TRPM3: variants seen among roughly 807,000 people sequenced by gnomAD.
TRPM3 encodes transient receptor potential cation channel subfamily M member 3, also known as long transient receptor potential channel 3.
A neutral mutation model predicts 181.2 loss-of-function variants in TRPM3; 77 were observed. That is an observed-to-expected ratio of 0.42 (90% confidence interval 0.35 to 0.51). The LOEUF (loss-of-function observed/expected upper bound fraction) is 0.51, where lower values mean the gene tolerates loss of function less well. TRPM3 is among the 20% of genes least tolerant of loss of function. TRPM3 has a pLI of 0.01. For synonymous variants in TRPM3, 745 were observed against 796.4 expected, an observed-to-expected ratio of 0.94 and a Z score of 1.09; for missense variants, 1,759 against 2,196.7, an observed-to-expected ratio of 0.80 and a Z score of 3.98.
At chr9:70,772,916 C>T (rs1391480364) in intron 7 of TRPM3, among the ~76,000 whole-genome samples, 1 of 152,114 alleles carries the variant, frequency 6.6e-6, no homozygotes, top group Non-Finnish European at 1.5e-5. Flanking sequence ...ATCCCATCAG[C>T]GAATATTGCC....
At chr9:71,367,077 CA>C (rs2092360244) in intron 1 of TRPM3, among the ~76,000 whole-genome samples, 1 of 151,966 alleles carries the variant, frequency 6.6e-6, no homozygotes. Context: ...ATAAACAAAC[CA>C]AAATGATTTT....
intron 1 of TRPM3, among the ~76,000 whole-genome samples, chr9:71,107,599 T>C (rs1268025568): frequency 1.3e-5 from 2 of 152,206 alleles, no homozygotes; most frequent in East Asian, 3.9e-4. Flanking sequence ...GATTGTAGAA[T>C]GAATAAGTAT....
chr9:71,141,031 C>G (rs2134542272), intron 1 of TRPM3, among the ~76,000 whole-genome samples: 1 of 152,206 alleles, frequency 6.6e-6, no homozygotes, highest in African/African-American at 2.4e-5. Context: ...TCATGTTGAA[C>G]TATAAAAAAG....
intron 1 of TRPM3, among the ~76,000 whole-genome samples, chr9:71,003,405 GTTT>G (rs57009325): frequency 2.1e-5 from 3 of 144,986 alleles, no homozygotes; most frequent in East Asian, 3.9e-4. Flanking sequence ...TGTGCATATG[GTTT>G]TTTTTTTTTT....
chr9:71,054,395 C>T (rs1287662856), intron 1 of TRPM3, among the ~76,000 whole-genome samples: 5 of 152,030 alleles, frequency 3.3e-5, no homozygotes, highest in African/African-American at 9.7e-5. Context: ...TAGGTATGAA[C>T]TCATAAAGTT....
intron 22 of TRPM3, among the ~76,000 whole-genome samples, chr9:70,582,910 G>A (rs115900834): frequency 0.012 from 1,857 of 152,288 alleles, 40 homozygotes; most frequent in African/African-American, 0.042. Flanking sequence ...AAACATGTGG[G>A]TTATGTCTAG....
intron 7 of TRPM3, chr9:70,775,690 A>T (rs2081220259): frequency 6.6e-6 from 1 of 152,214 alleles, no homozygotes; most frequent in African/African-American, 2.4e-5. Flanking sequence ...GACCAAAAGC[A>T]TAGCATCGCC....
chr9:71,103,556 A>G (rs897700802), intron 1 of TRPM3, among the ~76,000 whole-genome samples: 1 of 152,240 alleles, frequency 6.6e-6, no homozygotes, highest in African/African-American at 2.4e-5. Flanking sequence ...CACTGACTAC[A>G]GAGTCCTGGA....
intron 1 of TRPM3, among the ~76,000 whole-genome samples, chr9:71,132,688 A>G (rs1177270314): frequency 6.6e-6 from 1 of 152,190 alleles, no homozygotes; most frequent in Non-Finnish European, 1.5e-5. Flanking sequence ...ATAAAAATAT[A>G]AAGAATTAAA....
At chr9:71,279,490 A>C (rs4745078) in intron 1 of TRPM3, among the ~76,000 whole-genome samples, 3,973 of 152,314 alleles carry the variant, frequency 0.026, 236 homozygotes, top group East Asian at 0.24. Flanking sequence ...AAAAAAATGA[A>C]ACTGTATGTT....
chr9:70,779,107 A>G (rs1319551479), intron 7 of TRPM3, among the ~76,000 whole-genome samples: 2 of 152,076 alleles, frequency 1.3e-5, no homozygotes, highest in African/African-American at 2.4e-5. Context: ...AACATCCTTT[A>G]AACAGGAAAG....
At chr9:70,686,362 T>G (rs1433012739) in intron 8 of TRPM3, among the ~76,000 whole-genome samples, 1 of 152,214 alleles carries the variant, frequency 6.6e-6, no homozygotes, top group Non-Finnish European at 1.5e-5. Flanking sequence ...GCAGTGAATA[T>G]CTGTATATGC....
chr9:70,656,928 G>T (rs1172415676), intron 9 of TRPM3, among the ~76,000 whole-genome samples: 1 of 121,704 alleles, frequency 8.2e-6, no homozygotes, highest in East Asian at 2.6e-4. Context: ...AAAAAAAAGT[G>T]TTTTTTTTTT....
At chr9:70,640,861 G>GATT (rs1212736271) in intron 9 of TRPM3, among the ~76,000 whole-genome samples, 2 of 151,934 alleles carry the variant, frequency 1.3e-5, no homozygotes, top group African/African-American at 2.4e-5. Context: ...GTATATTGTA[G>GATT]ATTATTATTA....
At chr9:70,583,968 G>C (rs763919842) in intron 22 of TRPM3, among the ~76,000 whole-genome samples, 1 of 151,998 alleles carries the variant, frequency 6.6e-6, no homozygotes, top group African/African-American at 2.4e-5. Context: ...AACTCTCATC[G>C]CTGTTCCCTT....
chr9:70,740,891 G>T (rs940887764), intron 8 of TRPM3, among the ~76,000 whole-genome samples: 2 of 152,160 alleles, frequency 1.3e-5, no homozygotes, highest in Admixed American at 6.6e-5. Context: ...AACCCTTCTA[G>T]ACATTGGCTC....
At chr9:71,346,236 G>T (rs75384902) in intron 1 of TRPM3, among the ~76,000 whole-genome samples, 14,516 of 152,124 alleles carry the variant, frequency 0.095, 1,166 homozygotes, top group African/African-American at 0.22. Context: ...AGGATGAATC[G>T]TTAAAGTATC....
At chr9:71,197,109 G>C (rs2078430492) in intron 1 of TRPM3, among the ~76,000 whole-genome samples, 1 of 152,124 alleles carries the variant, frequency 6.6e-6, no homozygotes, top group Admixed American at 6.5e-5. Context: ...CTATGAGTGA[G>C]AACATGCGAT....
intron 18 of TRPM3, among the ~76,000 whole-genome samples, chr9:70,611,842 G>T (rs1226605663): frequency 6.6e-6 from 1 of 152,160 alleles, no homozygotes; most frequent in African/African-American, 2.4e-5. Flanking sequence ...ATTTCCTTGA[G>T]AACAGAATCA....
Sources: allele counts gnomAD v4.1 joint callset (sites outside exome capture counted in the v4.1 genomes callset), GRCh38; gene constraint gnomAD v4.1.1; transcripts MANE v1.5; gene names NCBI Gene and HGNC (gene_info 2026-07-23, HGNC 2026-07-21).